Variants in TTLL11 observed in about 807,000 individuals in gnomAD.
The protein encoded by TTLL11 is tubulin polyglutamylase TTLL11.
TTLL11 carries 42 observed loss-of-function variants against 51.7 expected under a neutral mutation model. That is an observed-to-expected ratio of 0.81 (90% CI 0.64 to 1.05). The LOEUF is 1.05. TTLL11 is among the 50% of genes least tolerant of loss of function. The pLI, the probability that TTLL11 is intolerant of heterozygous loss-of-function variation, is 0.00. For missense variants in TTLL11, 799 were observed against 940.4 expected (o/e 0.85, Z 1.97); for synonymous variants, 381 against 383.5 (o/e 0.99, Z 0.08).
chr9:121,883,524 A>G (rs1311860900), intron 6 of TTLL11, among the ~76,000 whole-genome samples: 2 of 152,212 alleles, frequency 1.3e-5, no homozygotes, highest in African/African-American at 4.8e-5. Flanking sequence ...CTCTGGTCCT[A>G]TCAAGATTAG....
At chr9:122,090,814 A>C (rs904641179) in intron 1 of TTLL11, among the ~76,000 whole-genome samples, 2 of 152,198 alleles carry the variant, frequency 1.3e-5, no homozygotes, top group African/African-American at 4.8e-5. Flanking sequence ...GTACTATGGA[A>C]AAAAAATAAA....
Position 121,957,964 on chromosome 9 carries a change from G to C in TTLL11, c.1481+16045C>G, listed in dbSNP as rs553018819. Among the ~76,000 whole-genome samples, 5 of 152,342 alleles carry C rather than the reference G, an allele frequency of 3.3e-5. No homozygotes were observed. In the East Asian group the frequency reaches 7.7e-4, roughly 24 times the overall value. ...TTTTCTTTCTTGGGCCTCAAAAAAAGTGAGGGGCCAGCCTGCCATGAAAAT... is the reference window on the plus strand; with the variant it reads ...TTTTCTTTCTTGGGCCTCAAAAAAACTGAGGGGCCAGCCTGCCATGAAAAT... On this transcript the variant is annotated intron_variant, in intron 6 of 8. Transcript: ENST00000321582.
At chr9:121,930,579 T>C (rs1840926293) in intron 6 of TTLL11, among the ~76,000 whole-genome samples, 1 of 152,194 alleles carries the variant, frequency 6.6e-6, no homozygotes, top group African/African-American at 2.4e-5. Flanking sequence ...GATTACCTGC[T>C]GCAGACAGAA....
intron 1 of TTLL11, among the ~76,000 whole-genome samples, chr9:122,085,754 C>T (rs188112257): frequency 6.6e-6 from 1 of 152,184 alleles, no homozygotes; most frequent in Admixed American, 6.5e-5. Context: ...ACATACATTC[C>T]CTCATTTACT....
At chr9:121,857,021 G>T (rs1038994939) in intron 8 of TTLL11, among the ~76,000 whole-genome samples, 1 of 152,208 alleles carries the variant, frequency 6.6e-6, no homozygotes, top group African/African-American at 2.4e-5. Flanking sequence ...TGAGAAGGAG[G>T]CAAGAACTGG....
chr9:121,834,728 G>T (rs1044980769), intron 8 of TTLL11, among the ~76,000 whole-genome samples: 1 of 151,998 alleles, frequency 6.6e-6, no homozygotes, highest in Non-Finnish European at 1.5e-5. Context: ...TCAGGAGGCT[G>T]AGGCAGGAGA....
intron 6 of TTLL11, among the ~76,000 whole-genome samples, chr9:121,893,784 AAAGCTT>A (rs1839349164): frequency 6.6e-6 from 1 of 152,340 alleles, no homozygotes; most frequent in African/African-American, 2.4e-5. Context: ...GAAAGCTTTG[AAAGCTT>A]AAGCTTAGAT....
chr9:121,860,075 C>A (rs956318967), intron 8 of TTLL11, among the ~76,000 whole-genome samples: 2 of 152,192 alleles, frequency 1.3e-5, no homozygotes, highest in Non-Finnish European at 2.9e-5. Context: ...GAGGGGTGAA[C>A]AAATGAATGA....
rs1221229084 is a variant in TTLL11, at chr9:121,898,319, G to A, written c.1482-27571C>T. Among the ~76,000 whole-genome samples, 4 of 152,382 alleles carry A rather than the reference G, an allele frequency of 2.6e-5. No individual in the cohort carries two copies. In the East Asian group the frequency reaches 5.8e-4, roughly 22 times the overall value. On this transcript the variant is annotated intron_variant, in intron 6 of 8. Transcript: ENST00000321582. ...CGGTGCTTGGGAAAAAGGAGGCTGGGGAGCCCTGTTCTCAAGTGAGGGGCC... is the reference window on the plus strand; with the variant it reads ...CGGTGCTTGGGAAAAAGGAGGCTGGAGAGCCCTGTTCTCAAGTGAGGGGCC...
At chr9:121,984,933 T>A (rs772678264) in intron 4 of TTLL11, among the ~76,000 whole-genome samples, 2 of 152,104 alleles carry the variant, frequency 1.3e-5, no homozygotes, top group Admixed American at 6.5e-5. Context: ...GACATGAGGA[T>A]ATGTTGCTGG....
At position 122,060,588 on chromosome 9, in the gene TTLL11, G is replaced by A. The variant is rs138058163; in HGVS notation, c.463-21220C>T. ...AGACACAAGCTAGTGCCAGTGCCTT[G>A]ACTGAAGTGGGAAGAACACAGGAAT... On this transcript the variant is annotated intron_variant, in intron 1 of 8. Coordinates refer to ENST00000321582, the MANE Select transcript of TTLL11 (RefSeq NM_001139442.2). Among the ~76,000 whole-genome samples the A allele has an allele frequency of 7.9e-5, 12 of 152,318 alleles. No individual in the cohort carries two copies. In the East Asian group the frequency reaches 2.1e-3, roughly 27 times the overall value.
At position 121,822,923 on chromosome 9, in the gene TTLL11, T is replaced by C. The variant is rs144022296; in HGVS notation, c.1841-44A>G. On this transcript the variant is annotated intron_variant, in intron 8 of 8. Transcript: ENST00000321582. This position sits in a 1 kb window ranked among gnomAD's most constrained non-coding sequence, Gnocchi z 5.8. ...GATGAGGGGGTGCACACAGCTGCCC[T>C]ACGCTGCCCTGGGAAGGCCCACCTC... 1.3e-3 allele frequency: 1,912 copies of C among 1,498,578 alleles called. 20 individuals carry two copies. In the African/African-American group the frequency reaches 0.024, roughly 19 times the overall value. The allele number at this position is 1,498,578 out of a possible 1,614,324, so 92.8% of individuals were successfully genotyped here.
chr9:121,925,509 T>A (rs915404566), intron 6 of TTLL11, among the ~76,000 whole-genome samples: 2 of 150,118 alleles, frequency 1.3e-5, no homozygotes, highest in East Asian at 4.1e-4. Flanking sequence ...TTTGCTCATG[T>A]CCCTTCTGCC....
intron 6 of TTLL11, among the ~76,000 whole-genome samples, chr9:121,956,067 T>C (rs1244487401): frequency 6.6e-6 from 1 of 150,756 alleles, no homozygotes; most frequent in Admixed American, 6.6e-5. Context: ...AGGACCTAAG[T>C]TTAAATTAGC....
chr9:121,985,735 T>G (rs1437642963), intron 4 of TTLL11, among the ~76,000 whole-genome samples: 1 of 152,042 alleles, frequency 6.6e-6, no homozygotes, highest in East Asian at 1.9e-4. Flanking sequence ...TTAGCCAGGA[T>G]GGACTCGATC....
chr9:121,824,453 CGACA>C (rs1173180350), intron 8 of TTLL11, among the ~76,000 whole-genome samples: 1 of 131,434 alleles, frequency 7.6e-6, no homozygotes, highest in Non-Finnish European at 1.5e-5. Flanking sequence ...TCCAGCCTGG[CGACA>C]GACAGAGCGA....
Position 121,870,682 on chromosome 9 carries a change from AGCACTGGTCAGCTC to A in TTLL11, c.1534_1547del (p.Glu512SerfsTer82), listed in dbSNP as rs1161015648. The A allele has an allele frequency of 2.6e-6, 4 of 1,551,626 alleles. No homozygotes were observed. Among genetic ancestry groups the A allele is most frequent in the Non-Finnish European group, 3.5e-6 (4 of 1,146,998 alleles). ...CTTCGGGGTTGGCGTTGCAGTCTGGAGCACTGGTCAGCTCGCCGTCCAAAGCATCTTCCTTTCCA... is the reference window on the plus strand; with the variant it reads ...CTTCGGGGTTGGCGTTGCAGTCTGGAGCCGTCCAAAGCATCTTCCTTTCCA... On this transcript the variant is annotated frameshift_variant, in exon 7 of 9. Coordinates refer to ENST00000321582, the MANE Select transcript of TTLL11 (RefSeq NM_001139442.2). LOFTEE classifies it high-confidence loss of function.
At chr9:122,042,012 CTT>C (rs57195778) in intron 1 of TTLL11, among the ~76,000 whole-genome samples, 2,576 of 138,000 alleles carry the variant, frequency 0.019, 55 homozygotes, top group African/African-American at 0.064. Flanking sequence ...CTCATACTTC[CTT>C]TTTTTTTTTT....
intron 1 of TTLL11, among the ~76,000 whole-genome samples, chr9:122,054,015 A>G (rs772586808): frequency 6.6e-6 from 1 of 152,228 alleles, no homozygotes; most frequent in Non-Finnish European, 1.5e-5. Context: ...GCTGGAAAGT[A>G]GCAATTCTTG....
Sources: allele counts gnomAD v4.1 joint callset (sites outside exome capture counted in the v4.1 genomes callset), GRCh38; gene constraint gnomAD v4.1.1; non-coding constraint Gnocchi (gnomAD v3.1); transcripts MANE v1.5; gene names NCBI Gene and HGNC (gene_info 2026-07-23, HGNC 2026-07-21).